BEND3: variants seen among roughly 807,000 people sequenced by gnomAD.
BEND3 encodes BEN domain-containing protein 3.
In BEND3, 13 loss-of-function variants were observed where a neutral mutation model predicts 60.1. That is an observed-to-expected ratio of 0.22 (90% confidence interval 0.14 to 0.34). BEND3 has a LOEUF of 0.34. BEND3 is among the 10% of genes least tolerant of loss of function. BEND3 has a pLI of 1.00. For synonymous variants in BEND3, 497 were observed against 491.5 expected (o/e 1.01, Z -0.15); for missense variants, 896 against 1,138.1 (o/e 0.79, Z 3.06).
At position 107,109,442 on chromosome 6, in the gene BEND3, C is replaced by CAAA. The variant is rs55745315; in HGVS notation, c.-12+5645_-12+5647dup. On this transcript the variant is annotated intron_variant, in intron 1 of 3. Coordinates refer to ENST00000369042, the MANE Select transcript of BEND3 (RefSeq NM_001367314.1). ...TGGGTGACAGAGCAAGACTCTGTCT[C>CAAA]AAAAAAAAAAAAAAAATCGAGGTGG... Among the ~76,000 whole-genome samples, 27 of 48,708 alleles carry CAAA rather than the reference C, an allele frequency of 5.5e-4. 2 individuals carry two copies. The highest frequency in any genetic ancestry group is 1.5e-3 in the South Asian group (1 of 648). 32.0% of individuals were successfully genotyped at this position (48,708 alleles called of 152,430 possible). A position where few individuals can be genotyped will look rare whatever the true frequency, so the allele number is the denominator to read the frequency against.
chr6:107,069,341 T>C lies in BEND3; in HGVS notation c.1850A>G (p.Tyr617Cys). Residue 617 changes from tyrosine to cysteine, a missense_variant, in exon 4 of 4, where the codon TAC becomes TGC. Tyr to Cys is a radical substitution (Grantham distance 194). Coordinates refer to ENST00000369042, the MANE Select transcript of BEND3 (RefSeq NM_001367314.1). ...GGCGCGTGGGTAGAGCAGCTGCACG[T>C]AGTGGCGGATGAGCTTGATGCGGGA... The part of the protein sequence containing the change: ...DPSRIKLIRH[Y>C]VQLLYPRAKN... The C allele has an allele frequency of 6.2e-7, 1 of 1,612,314 alleles. No homozygotes were observed. Among genetic ancestry groups the C allele is most frequent in the Non-Finnish European group, 8.5e-7 (1 of 1,179,610 alleles).
chr6:107,102,840 T>C (rs1358177502), intron 1 of BEND3, among the ~76,000 whole-genome samples: 1 of 152,164 alleles, frequency 6.6e-6, no homozygotes, highest in Admixed American at 6.5e-5. Flanking sequence ...TGCCTGTGCC[T>C]CACCCTGAGC....
At chr6:107,087,248 G>A (rs1775371798) in intron 3 of BEND3, among the ~76,000 whole-genome samples, 1 of 151,962 alleles carries the variant, frequency 6.6e-6, no homozygotes, top group Non-Finnish European at 1.5e-5. Flanking sequence ...GAATCTGGGA[G>A]GTGGAGGTTG....
chr6:107,068,549 G>C lies in BEND3; in HGVS notation c.*155C>G, dbSNP rs1312717214. The C allele has an allele frequency of 5.1e-6, 4 of 776,964 alleles. No homozygotes were observed. Among genetic ancestry groups the C allele is most frequent in the African/African-American group, 1.8e-5 (1 of 56,994 alleles). The allele number at this position is 776,964 out of a possible 1,614,324, so 48.1% of individuals were successfully genotyped here. On this transcript the variant is annotated 3_prime_UTR_variant, in exon 4 of 4. Transcript: ENST00000369042. This position sits in a 1 kb window ranked among gnomAD's most constrained non-coding sequence, Gnocchi z 5.8. ...AAGGCTTCTTTCTTGCGGTTGGGTG[G>C]GTGTTTACGTGTGCAAATGTAGTAA...
At chr6:107,071,913 G>T (rs1377478388) in intron 3 of BEND3, among the ~76,000 whole-genome samples, 1 of 152,196 alleles carries the variant, frequency 6.6e-6, no homozygotes, top group African/African-American at 2.4e-5. Context: ...ACGTCAGTGG[G>T]TGACAGATGT....
At position 107,080,440 on chromosome 6, in the gene BEND3, C is replaced by A. The variant is rs374283926; in HGVS notation, c.241-9490G>T. Among the ~76,000 whole-genome samples the A allele has an allele frequency of 6.7e-4, 101 of 151,680 alleles. 1 individual carries two copies. The highest frequency in any genetic ancestry group is 2.1e-3 in the African/African-American group (86 of 41,364). On this transcript the variant is annotated intron_variant, in intron 3 of 3. Transcript: ENST00000369042. ...AAAGAAGAAAACAGTACATACACCC[C>A]ACCCTACTCCAGTCACCATATATAT...
Position 107,069,060 on chromosome 6 carries a change from G to A in BEND3, c.2131C>T (p.Pro711Ser). ...IPLDELVVPS[P>S]DFPVPSPYLL... ...TAGGGAGAAGGCACCGGGAAGTCAG[G>A]CGAGGGGACCACCAGCTCGTCCAAG... Residue 711 changes from proline to serine, a missense_variant, in exon 4 of 4, where the codon CCT becomes TCT. Coordinates refer to ENST00000369042, the MANE Select transcript of BEND3 (RefSeq NM_001367314.1). The A allele has an allele frequency of 1.2e-6, 2 of 1,613,456 alleles. No homozygotes were observed. Among genetic ancestry groups the A allele is most frequent in the South Asian group, 1.1e-5 (1 of 91,060 alleles).
At chr6:107,076,528 A>T (rs1235730286) in intron 3 of BEND3, among the ~76,000 whole-genome samples, 1 of 151,996 alleles carries the variant, frequency 6.6e-6, no homozygotes, top group Non-Finnish European at 1.5e-5. Flanking sequence ...ATTTAGGGAG[A>T]CTCCAGGTGT....
intron 3 of BEND3, among the ~76,000 whole-genome samples, chr6:107,080,369 A>AAC (rs1554233367): frequency 7.9e-4 from 115 of 145,850 alleles, no homozygotes; most frequent in African/African-American, 3.1e-3. Flanking sequence ...AAAAAAAAAA[A>AAC]AAAAAAAACA....
chr6:107,080,371 A>AAC (rs1554233372), intron 3 of BEND3, among the ~76,000 whole-genome samples: 19 of 119,164 alleles, frequency 1.6e-4, no homozygotes, highest in African/African-American at 4.8e-4. Flanking sequence ...AAAAAAAAAA[A>AAC]AAAAAACAAA....
At chr6:107,083,234 C>A (rs1212454284) in intron 3 of BEND3, among the ~76,000 whole-genome samples, 1 of 152,100 alleles carries the variant, frequency 6.6e-6, no homozygotes, top group African/African-American at 2.4e-5. Context: ...GCCATCCAGG[C>A]GTGAAACTTT....
chr6:107,068,604 C>A lies in BEND3; in HGVS notation c.*100G>T. 1 of 1,338,538 alleles carries A rather than the reference C, an allele frequency of 7.5e-7. No homozygotes were observed. The highest frequency in any genetic ancestry group is 1.0e-6 in the Non-Finnish European group (1 of 983,052). 82.9% of individuals were successfully genotyped at this position (1,338,538 alleles called of 1,614,324 possible). On this transcript the variant is annotated 3_prime_UTR_variant, in exon 4 of 4. Transcript: ENST00000369042. The surrounding 1 kb of genome is among the most constrained non-coding windows in gnomAD (Gnocchi z 5.8). ...CTCCCCACGGACATAAGGTGCCTGT[C>A]TGTGGATGCCATAGGCGTGCTCCCA... is the stretch of plus-strand genomic sequence containing the variant.
intron 1 of BEND3, among the ~76,000 whole-genome samples, chr6:107,104,253 G>GCA: frequency 7.0e-6 from 1 of 143,176 alleles, no homozygotes; most frequent in East Asian, 2.1e-4. Context: ...TCGCGCCACT[G>GCA]CACTCCAGCC....
chr6:107,099,432 G>A (rs1300439589), intron 1 of BEND3, 136 bp from the exon 2 acceptor site: 1 of 714,336 alleles, frequency 1.4e-6, no homozygotes, highest in African/African-American at 1.8e-5. Flanking sequence ...TGGAAGCTAT[G>A]TGTCCTCCTA....
chr6:107,112,039 C>A (rs1770113679), intron 1 of BEND3, among the ~76,000 whole-genome samples: 1 of 152,006 alleles, frequency 6.6e-6, no homozygotes, highest in Admixed American at 6.6e-5. Flanking sequence ...TACATCCCAG[C>A]CTCCCATATA....
chr6:107,088,172 A>C (rs559932022), intron 3 of BEND3, among the ~76,000 whole-genome samples: 7 of 152,136 alleles, frequency 4.6e-5, no homozygotes, highest in Non-Finnish European at 8.8e-5. Flanking sequence ...GTGCCACCAC[A>C]CCCAGATAAA....
chr6:107,068,912 T>C lies in BEND3; in HGVS notation c.2279A>G (p.Gln760Arg). ...ELFTAENLRL[Q>R]YNHSGACNKK... The stretch of plus-strand genomic sequence containing the variant: ...GTTGCAAGCCCCGGAATGGTTGTAC[T>C]GCAGCCGGAGGTTCTCGGCGGTGAA... Residue 760 changes from glutamine to arginine, a missense_variant, in exon 4 of 4, where the codon CAG becomes CGG. By Grantham distance (43) the Gln-to-Arg change is conservative (BLOSUM62 1). This residue lies in a region of BEND3 where 29 missense variants were observed against 51.9 expected (regional missense o/e 0.56). Coordinates refer to ENST00000369042, the MANE Select transcript of BEND3 (RefSeq NM_001367314.1). The surrounding 1 kb of genome is among the most constrained non-coding windows in gnomAD (Gnocchi z 5.8). 1.2e-6 allele frequency: 2 copies of C among 1,613,896 alleles called. No homozygotes were observed. The highest frequency in any genetic ancestry group is 2.2e-5 in the East Asian group (1 of 44,838).
chr6:107,102,187 T>C (rs1182375560), intron 1 of BEND3, among the ~76,000 whole-genome samples: 2 of 152,172 alleles, frequency 1.3e-5, no homozygotes, highest in Admixed American at 1.3e-4. Context: ...AGTCTATTTA[T>C]CTGCCATTAT....
At chr6:107,085,578 G>C (rs782544941) in intron 3 of BEND3, among the ~76,000 whole-genome samples, 2 of 151,524 alleles carry the variant, frequency 1.3e-5, no homozygotes, top group African/African-American at 2.4e-5. Context: ...TGCTAGCTCT[G>C]CCTCCCAGGT....
Sources: gnomAD v4.1 joint callset for allele counts (sites outside exome capture counted in the v4.1 genomes callset) on GRCh38, gnomAD v4.1.1 for gene constraint, gnomAD v4.1.1 regional missense constraint, Gnocchi (gnomAD v3.1) non-coding constraint, MANE v1.5 for transcripts, NCBI Gene and HGNC (gene_info 2026-07-23, HGNC 2026-07-21) for gene names.